Variants in XRCC1 observed in about 807,000 individuals in gnomAD.
The protein encoded by XRCC1 is X-ray repair cross complementing 1.
A neutral mutation model predicts 83.3 loss-of-function variants in XRCC1; 52 were observed. The ratio of observed to expected loss-of-function variants is 0.62; its 90% confidence interval spans 0.50 to 0.79. The LOEUF is 0.79. Ranked by LOEUF, XRCC1 falls within the 30% of genes least tolerant of loss-of-function variation. The pLI is 0.00. For synonymous variants in XRCC1, 281 were observed against 312.6 expected, an observed-to-expected ratio of 0.90 and a Z score of 1.07; for missense variants, 793 against 823.5, an observed-to-expected ratio of 0.96 and a Z score of 0.45.
In XRCC1 at chr19:43,550,341, T is replaced by C. The variant is rs59182552; in HGVS notation, c.1199+1230A>G. Among the ~76,000 whole-genome samples, 677 of 151,538 alleles carry C rather than the reference T, an allele frequency of 4.5e-3. 3 individuals are homozygous for C. The highest frequency in any genetic ancestry group is 0.016 in the African/African-American group (652 of 41,282). ...TTAGTTCAGGATGACTGCAGCGAAA[T>C]GAGTTTGTGCTGAACCTAGAAAAGA... On this transcript the variant is annotated intron_variant, in intron 10 of 16. Coordinates refer to ENST00000262887, the MANE Select transcript of XRCC1 (RefSeq NM_006297.3).
chr19:43,547,547 C>G (rs1972525704), intron 10 of XRCC1, among the ~76,000 whole-genome samples: 1 of 148,748 alleles, frequency 6.7e-6, no homozygotes, highest in Non-Finnish European at 1.5e-5. Flanking sequence ...GTGGCGTGAT[C>G]TTGGCTCACT....
At chr19:43,567,883 T>C (rs1972768923) in intron 2 of XRCC1, among the ~76,000 whole-genome samples, 1 of 151,146 alleles carries the variant, frequency 6.6e-6, no homozygotes, top group Admixed American at 6.6e-5. Flanking sequence ...TTTCTTTTTT[T>C]TTTTTTTTTG....
chr19:43,561,079 G>A, intron 2 of XRCC1, 59 bp from the exon 3 acceptor site: 2 of 1,355,256 alleles, frequency 1.5e-6, no homozygotes, highest in Non-Finnish European at 2.1e-6. Flanking sequence ...CTCACTGTGG[G>A]ACCTCAGGAT....
At chr19:43,559,935 G>T (rs973125665) in intron 3 of XRCC1, among the ~76,000 whole-genome samples, 1 of 151,872 alleles carries the variant, frequency 6.6e-6, no homozygotes, top group African/African-American at 2.4e-5. Flanking sequence ...ACAAAAGCTA[G>T]CCAGGAGTGG....
At chr19:43,557,723 C>T (rs1231497706) in intron 3 of XRCC1, among the ~76,000 whole-genome samples, 3 of 130,018 alleles carry the variant, frequency 2.3e-5, no homozygotes, top group Non-Finnish European at 3.1e-5. Context: ...ACCTGGGAGG[C>T]GGAGGTTGCA....
Position 43,555,106 on chromosome 19 carries a change from G to A in XRCC1, c.256-302C>T, listed in dbSNP as rs3213354. 2.5e-3 allele frequency: 606 copies of A among 240,428 alleles called. 7 individuals carry two copies. The highest frequency in any genetic ancestry group is 0.012 in the African/African-American group (538 of 44,930). The allele number at this position is 240,428 out of a possible 1,614,324, so 14.9% of individuals were successfully genotyped here. A position where few individuals can be genotyped will look rare whatever the true frequency, so the allele number is the denominator to read the frequency against. Reference sequence around the variant, plus strand: ...CATGTCCTAAGGAACTTTCCCGGCAGAGAATATTCAGTAAACTGGCACAAT... The same window carrying A: ...CATGTCCTAAGGAACTTTCCCGGCAAAGAATATTCAGTAAACTGGCACAAT... On this transcript the variant is annotated intron_variant, in intron 3 of 16. Coordinates refer to ENST00000262887, the MANE Select transcript of XRCC1 (RefSeq NM_006297.3).
intron 2 of XRCC1, 108 bp downstream of exon 2, chr19:43,574,802 G>C: frequency 2.3e-6 from 2 of 854,530 alleles, no homozygotes; most frequent in South Asian, 2.9e-5. Flanking sequence ...AGGAAGCTGA[G>C]GCCCAGCAAA....
In XRCC1 at chr19:43,574,924, A is replaced by T. The variant is rs532702063; in HGVS notation, c.130T>A (p.Ser44Thr). The part of the protein sequence containing the change: ...RAAKAGEKTI[S>T]VVLQLEKEEQ... ...GGCAGGATCACCTGTAGGACCACAG[A>T]GATGGTCTTCTCGCCTGCCTTGGCT... The change falls in exon 2 of 17, where the codon TCT becomes ACT. Residue 44 changes from serine to threonine, a missense_variant. Physicochemically the swap from Ser to Thr is moderately conservative, Grantham distance 58 (BLOSUM62 1). Transcript: ENST00000262887. The T allele has an allele frequency of 5.6e-6, 9 of 1,614,062 alleles. No individual in the cohort carries two copies. The African/African-American group carries it at 1.1e-4, about 19-fold the overall frequency.
chr19:43,551,319 GT>G (rs898677479), intron 10 of XRCC1, among the ~76,000 whole-genome samples: 46 of 152,300 alleles, frequency 3.0e-4, no homozygotes, highest in African/African-American at 1.1e-3. Context: ...CCACCCCTGA[GT>G]TTTTGCACAA....
At chr19:43,548,088 C>T (rs1371489729) in intron 10 of XRCC1, among the ~76,000 whole-genome samples, 2 of 130,880 alleles carry the variant, frequency 1.5e-5, no homozygotes, top group Non-Finnish European at 1.6e-5. Context: ...GGGGGCCAGC[C>T]GCCCCATCCG....
In XRCC1 at chr19:43,546,935, C is replaced by T; in HGVS notation, c.1242G>A (p.Glu414=). 1 of 1,614,066 alleles carries T rather than the reference C, an allele frequency of 6.2e-7. No homozygotes were observed. Among genetic ancestry groups the T allele is most frequent in the East Asian group, 2.2e-5 (1 of 44,870 alleles). ...CTCCGCTGCCACCGCTGTGAGAGGC[C>T]TCATCCTCCTCACTGCTGGAACCTG... ...AGPGSSSEED[E]ASHSGGSGDE... is the part of the protein sequence containing the mutation. The change falls in exon 11 of 17, where the codon GAG becomes GAA. Residue 414 remains glutamate (E), a synonymous_variant. Coordinates refer to ENST00000262887, the MANE Select transcript of XRCC1 (RefSeq NM_006297.3).
chr19:43,567,836 T>G (rs966982588), intron 2 of XRCC1, among the ~76,000 whole-genome samples: 1 of 151,456 alleles, frequency 6.6e-6, no homozygotes, highest in Admixed American at 6.6e-5. Flanking sequence ...TGAGATATAT[T>G]GCTAAAAAAC....
chr19:43,553,820 G>A (rs731420), intron 4 of XRCC1, 137 bp from the exon 5 acceptor site: 27,084 of 663,654 alleles, frequency 0.041, 793 homozygotes, highest in East Asian at 0.11. Context: ...GGGCCCTGGC[G>A]ATGGTGATGA....
intron 10 of XRCC1, among the ~76,000 whole-genome samples, chr19:43,548,076 T>TG (rs1972533834): frequency 1.6e-4 from 3 of 18,506 alleles, no homozygotes; most frequent in Non-Finnish European, 3.7e-4. Context: ...GGGGGGGAGG[T>TG]GGGGGGCCAG....
Position 43,543,466 on chromosome 19 carries a change from G to A in XRCC1, c.1828C>T (p.Arg610Ter), listed in dbSNP as rs1166652798. 25 of 1,613,408 alleles carry A rather than the reference G, an allele frequency of 1.5e-5. No individual in the cohort carries two copies. Among genetic ancestry groups the A allele is most frequent in the Non-Finnish European group, 1.9e-5 (22 of 1,179,956 alleles). The part of the protein sequence containing the change: ...DNPSLAFVRP[R>*]WIYSCNEKQK... ...TTCTCATTGCAACTGTAGATCCATC[G>A]GGGACGAACGAATGCCAGGGAGGGG... The change falls in exon 17 of 17, where the codon CGA becomes TGA. Residue 610 changes from arginine (R) to a stop codon, truncating the protein, a stop_gained. Coordinates refer to ENST00000262887, the MANE Select transcript of XRCC1 (RefSeq NM_006297.3). LOFTEE classifies it high-confidence loss of function.
At chr19:43,547,310 C>G (rs1445550548) in intron 10 of XRCC1, among the ~76,000 whole-genome samples, 2 of 151,942 alleles carry the variant, frequency 1.3e-5, no homozygotes, top group Non-Finnish European at 2.9e-5. Flanking sequence ...CTCAGCCTCC[C>G]TAGTAGCTGG....
At chr19:43,561,722 C>G (rs1806407923) in intron 2 of XRCC1, among the ~76,000 whole-genome samples, 1 of 152,230 alleles carries the variant, frequency 6.6e-6, no homozygotes, top group African/African-American at 2.4e-5. Flanking sequence ...CTCAAAGGAT[C>G]TGCCATTCCT....
At chr19:43,567,440 T>C (rs1024057408) in intron 2 of XRCC1, among the ~76,000 whole-genome samples, 3 of 152,034 alleles carry the variant, frequency 2.0e-5, no homozygotes, top group Admixed American at 2.0e-4. Flanking sequence ...GCCTCCCGAA[T>C]AGCTGGGACT....
rs557640295 is a variant in XRCC1 at position 43,559,310 on chromosome 19, T to C, written c.255+1600A>G. Among the ~76,000 whole-genome samples, 290 of 151,062 alleles carry C rather than the reference T, an allele frequency of 1.9e-3. 1 individual carries two copies. In the South Asian group the frequency reaches 0.024, roughly 12 times the overall value. ...CATCCTGGCTAACACAGTGAAACCC[T>C]GTCTCTACTAAAAATACAAAAAATT... On this transcript the variant is annotated intron_variant, in intron 3 of 16. Transcript: ENST00000262887.
Sources: gnomAD v4.1 joint callset for allele counts (sites outside exome capture counted in the v4.1 genomes callset) on GRCh38, gnomAD v4.1.1 for gene constraint, MANE v1.5 for transcripts, NCBI Gene and HGNC (gene_info 2026-07-23, HGNC 2026-07-21) for gene names.